CNTN4: variants seen among roughly 807,000 people sequenced by gnomAD.
CNTN4 encodes contactin-4.
In CNTN4, 77 loss-of-function variants were observed where a neutral mutation model predicts 122.5. That is an observed-to-expected ratio of 0.63 (90% CI 0.52 to 0.76). The LOEUF (loss-of-function observed/expected upper bound fraction) is 0.76, where lower values mean the gene tolerates loss of function less well. Ranked by LOEUF, CNTN4 falls within the 30% of genes least tolerant of loss-of-function variation. CNTN4 has a pLI of 0.00. For missense variants in CNTN4, 1,256 were observed against 1,259.1 expected (o/e 1.00, Z 0.04); for synonymous variants, 512 against 447.0 (o/e 1.15, Z -1.83).
At chr3:2,411,677 T>C (rs1476374324) in intron 3 of CNTN4, among the ~76,000 whole-genome samples, 1 of 152,204 alleles carries the variant, frequency 6.6e-6, no homozygotes, top group East Asian at 1.9e-4. Context: ...TCTTTCTTTC[T>C]TCCTTTCCTT....
intron 16 of CNTN4, among the ~76,000 whole-genome samples, chr3:3,031,585 A>C (rs1559809813): frequency 6.6e-6 from 1 of 151,472 alleles, no homozygotes; most frequent in Non-Finnish European, 1.5e-5. Flanking sequence ...AAGAGCTATG[A>C]CCCCCCCGGC....
intron 4 of CNTN4, among the ~76,000 whole-genome samples, chr3:2,628,722 T>A (rs573264382): frequency 1.3e-5 from 2 of 152,336 alleles, no homozygotes; most frequent in African/African-American, 4.8e-5. Flanking sequence ...TAGTTCCGTG[T>A]CTGATGTGTA....
chr3:2,696,236 C>A (rs2086026893), intron 4 of CNTN4, among the ~76,000 whole-genome samples: 1 of 152,168 alleles, frequency 6.6e-6, no homozygotes, highest in African/African-American at 2.4e-5. Context: ...CAAATAATTT[C>A]TGCGAAGTGG....
At chr3:2,914,229 A>G (rs897105809) in intron 12 of CNTN4, among the ~76,000 whole-genome samples, 4 of 152,188 alleles carry the variant, frequency 2.6e-5, no homozygotes, top group African/African-American at 9.6e-5. Context: ...CAATGCCCTA[A>G]CTTCGCACCA....
At chr3:2,816,333 G>A (rs918528045) in intron 6 of CNTN4, among the ~76,000 whole-genome samples, 24 of 150,168 alleles carry the variant, frequency 1.6e-4, no homozygotes, top group African/African-American at 1.0e-4. Context: ...CAGCCTGGGC[G>A]ACAGAGCGAG....
At chr3:2,114,973 A>T (rs781652970) in intron 2 of CNTN4, among the ~76,000 whole-genome samples, 17 of 152,204 alleles carry the variant, frequency 1.1e-4, no homozygotes, top group Non-Finnish European at 2.4e-4. Context: ...ATGGACATTT[A>T]TTGTTAATCA....
At chr3:2,635,850 T>C (rs1209439136) in intron 4 of CNTN4, among the ~76,000 whole-genome samples, 2 of 152,174 alleles carry the variant, frequency 1.3e-5, no homozygotes, top group East Asian at 1.9e-4. Context: ...GTCTCCCAGA[T>C]AGTTTCAAGG....
intron 2 of CNTN4, among the ~76,000 whole-genome samples, chr3:2,243,803 C>G (rs2040034387): frequency 6.6e-6 from 1 of 151,996 alleles, no homozygotes; most frequent in African/African-American, 2.4e-5. Context: ...ATTGTTCAGA[C>G]TCGCATTTGA....
intron 2 of CNTN4, among the ~76,000 whole-genome samples, chr3:2,294,750 A>T (rs1259046457): frequency 6.6e-6 from 1 of 152,166 alleles, no homozygotes; most frequent in Non-Finnish European, 1.5e-5. Flanking sequence ...CTATGTATAC[A>T]TGTGCCATGT....
chr3:2,334,406 C>T (rs1032820479), intron 2 of CNTN4, among the ~76,000 whole-genome samples: 1 of 152,042 alleles, frequency 6.6e-6, no homozygotes, highest in Non-Finnish European at 1.5e-5. Context: ...TGATCTGCCC[C>T]CTTCGGCCTT....
intron 2 of CNTN4, among the ~76,000 whole-genome samples, chr3:2,315,996 A>G (rs1286343517): frequency 6.6e-6 from 1 of 152,044 alleles, no homozygotes; most frequent in Non-Finnish European, 1.5e-5. Flanking sequence ...GAGACTTCTA[A>G]CTTCTGGTAT....
intron 13 of CNTN4, among the ~76,000 whole-genome samples, chr3:2,977,337 A>G (rs1368753076): frequency 6.6e-6 from 1 of 152,214 alleles, no homozygotes; most frequent in Non-Finnish European, 1.5e-5. Flanking sequence ...GAGTAACAAG[A>G]AAAAGATCAA....
chr3:2,376,505 T>G (rs1377720224), intron 3 of CNTN4, among the ~76,000 whole-genome samples: 1 of 152,064 alleles, frequency 6.6e-6, no homozygotes, highest in African/African-American at 2.4e-5. Flanking sequence ...CTTTGAAGTA[T>G]CAGTATTTCT....
At chr3:2,888,770 AC>A (rs1279672389) in intron 10 of CNTN4, among the ~76,000 whole-genome samples, 1 of 151,988 alleles carries the variant, frequency 6.6e-6, no homozygotes, top group Non-Finnish European at 1.5e-5. Flanking sequence ...CATACACAGA[AC>A]CCATGAAACT....
Position 2,566,639 on chromosome 3 carries a change from T to C in CNTN4, c.-88-4777T>C, listed in dbSNP as rs542248572. Among the ~76,000 whole-genome samples, 12 of 132,664 alleles carry C rather than the reference T, an allele frequency of 9.0e-5. No homozygotes were observed. The East Asian group carries it at 2.4e-3, about 27-fold the overall frequency. 87.0% of individuals were successfully genotyped at this position (132,664 alleles called of 152,430 possible). The stretch of plus-strand genomic sequence containing the variant: ...GGCAGAATTTGAATCCAAGTTTAAA[T>C]AAACGATGATAGTTAATGCTCACAT... On this transcript the variant is annotated intron_variant, in intron 3 of 24. Coordinates refer to ENST00000418658, the MANE Select transcript of CNTN4 (RefSeq NM_175607.3).
chr3:2,973,054 A>G (rs965416060), intron 13 of CNTN4, among the ~76,000 whole-genome samples: 15 of 152,070 alleles, frequency 9.9e-5, no homozygotes, highest in Non-Finnish European at 1.9e-4. Flanking sequence ...AGAATTATTT[A>G]TTGGAACCCA....
intron 4 of CNTN4, among the ~76,000 whole-genome samples, chr3:2,585,746 C>T (rs572228410): frequency 1.7e-4 from 25 of 151,198 alleles, no homozygotes; most frequent in African/African-American, 5.1e-4. Flanking sequence ...TTAAATGACA[C>T]GTTAATGGGT....
chr3:2,222,148 C>G (rs1351420106), intron 2 of CNTN4, among the ~76,000 whole-genome samples: 1 of 152,122 alleles, frequency 6.6e-6, no homozygotes, highest in Non-Finnish European at 1.5e-5. Flanking sequence ...GGAATCAACC[C>G]AGATGTTCAT....
At chr3:2,395,617 T>C (rs1266218333) in intron 3 of CNTN4, among the ~76,000 whole-genome samples, 1 of 152,122 alleles carries the variant, frequency 6.6e-6, no homozygotes, top group African/African-American at 2.4e-5. Context: ...TCCTCTCTAG[T>C]AGTTCCAGTG....
Sources: gnomAD v4.1 joint callset for allele counts (sites outside exome capture counted in the v4.1 genomes callset) on GRCh38, gnomAD v4.1.1 for gene constraint, MANE v1.5 for transcripts, NCBI Gene and HGNC (gene_info 2026-07-23, HGNC 2026-07-21) for gene names.